The following FASN variants were observed in gnomAD, a reference collection of about 807,000 sequenced individuals.
The protein encoded by FASN is 3-hydroxyacyl-[acyl-carrier-protein] dehydratase.
FASN carries 50 observed loss-of-function variants against 250.0 expected under a neutral mutation model. That is an observed-to-expected ratio of 0.20 (90% CI 0.16 to 0.25). The LOEUF is 0.25. Ranked by LOEUF, FASN falls within the 10% of genes least tolerant of loss-of-function variation. FASN has a pLI of 1.00. For synonymous variants in FASN, 1,909 were observed against 1,584.0 expected (o/e 1.21, Z -4.87); for missense variants, 3,031 against 3,498.5 (o/e 0.87, Z 3.37).
rs2144797132 is a variant in FASN, at chr17:82,088,539, A to G, written c.2444T>C (p.Leu815Ser). The change falls in exon 16 of 43, where the codon TTG becomes TCG. Residue 815 changes from leucine to serine, a missense_variant. By Grantham distance (145) the Leu-to-Ser change is moderately radical. Transcript: ENST00000306749. Reference sequence around the variant, plus strand: ...AGCTGGGAACTCCACAGGTGGGAACAAGGCATTGGGGTTGGCGTCGATGCT... The same window carrying G: ...AGCTGGGAACTCCACAGGTGGGAACGAGGCATTGGGGTTGGCGTCGATGCT... Reference protein sequence around the residue: ...LSGIDANPNALFPPVEFPAPR... With the variant: ...LSGIDANPNASFPPVEFPAPR... 6.2e-7 allele frequency: 1 copy of G among 1,607,018 alleles called. No individual in the cohort carries two copies. The highest frequency in any genetic ancestry group is 1.7e-5 in the Admixed American group (1 of 59,822).
At chr17:82,090,000 G>A (rs2034174644) in intron 11 of FASN, among the ~76,000 whole-genome samples, 1 of 152,218 alleles carries the variant, frequency 6.6e-6, no homozygotes, top group Non-Finnish European at 1.5e-5. Flanking sequence ...TCCAGGTCCT[G>A]CCCACATGTG....
At chr17:82,080,979 G>A (rs1238027965) in intron 38 of FASN, 57 bp from the exon 39 acceptor site, 5 of 1,495,418 alleles carry the variant, frequency 3.3e-6, no homozygotes, top group East Asian at 4.8e-5. Flanking sequence ...TGGCACCCAC[G>A]CAAGGACACA....
Position 82,091,445 on chromosome 17 carries a change from C to A in FASN, c.1269G>T (p.Leu423=). 4 of 1,607,248 alleles carry A rather than the reference C, an allele frequency of 2.5e-6. No homozygotes were observed. Among genetic ancestry groups the A allele is most frequent in the Non-Finnish European group, 3.4e-6 (4 of 1,177,420 alleles). The change falls in exon 9 of 43, where the codon CTG becomes CTT. Residue 423 remains leucine, a synonymous_variant. Transcript: ENST00000306749. ...CAGGGGTGCGTCCGCTGGCCCGCAGCAGACGGGGCAGGGTGGCATGTGGGG... is the reference window on the plus strand; with the variant it reads ...CAGGGGTGCGTCCGCTGGCCCGCAGAAGACGGGGCAGGGTGGCATGTGGGG... ...APAPHATLPR[L]LRASGRTPEA...
chr17:82,092,207 G>A lies in FASN; in HGVS notation c.1029+248C>T, dbSNP rs111388945. 9.2e-5 allele frequency among the ~76,000 whole-genome samples: 14 copies of A among 152,318 alleles called. 1 individual carries two copies. Among genetic ancestry groups the A allele is most frequent in the African/African-American group, 2.6e-4 (11 of 41,576 alleles). ...CAAGCGGCTCCTCCAGCTCGGCTCC[G>A]TGTCCGGCAGACGCTCTGCAGGGCA... On this transcript the variant is annotated intron_variant, in intron 8 of 42. Coordinates refer to ENST00000306749, the MANE Select transcript of FASN (RefSeq NM_004104.5).
In FASN at chr17:82,096,335, G is replaced by A. The variant is rs2034302529; in HGVS notation, c.111C>T (p.Asp37=). ...IGGVDMVTDD[D]RRWKAGLYGL... ...GCCACATACCCGCCTTCCAGCGACG[G>A]TCATCGTCCGTGACCATGTCCACAC... The change falls in exon 2 of 43, where the codon GAC becomes GAT. Residue 37 remains aspartate, a synonymous_variant. Coordinates refer to ENST00000306749, the MANE Select transcript of FASN (RefSeq NM_004104.5). The A allele has an allele frequency of 5.0e-6, 8 of 1,612,574 alleles. No individual in the cohort carries two copies. The highest frequency in any genetic ancestry group is 1.6e-4 in the Middle Eastern group (1 of 6,084).
At chr17:82,079,667 G>C in intron 41 of FASN, 59 bp from the exon 42 acceptor site, 1 of 1,560,534 alleles carries the variant, frequency 6.4e-7, no homozygotes, top group Non-Finnish European at 8.6e-7. Flanking sequence ...CCTGCCCTGT[G>C]CTACACTGCG....
chr17:82,094,583 G>A (rs938051116), intron 3 of FASN, among the ~76,000 whole-genome samples: 9 of 151,992 alleles, frequency 5.9e-5, no homozygotes, highest in African/African-American at 7.3e-5. Context: ...GAGGTCAAGA[G>A]ATCGAGACCA....
rs1383949681 is a variant in FASN at position 82,084,272 on chromosome 17, C to A, written c.4881G>T (p.Leu1627=). Residue 1627 remains leucine (L), a synonymous_variant, in exon 28 of 43, where the codon CTG becomes CTT. Transcript: ENST00000306749. The part of the protein sequence containing the change: ...VPAKGLATSV[L]LSPDFLWDVP... ...CATCCCAGAGGAAGTCCGGTGACAG[C>A]AGGACAGAGGTGGCCAGGCCCTTGG... 6.2e-7 allele frequency: 1 copy of A among 1,611,922 alleles called. No homozygotes were observed. Among genetic ancestry groups the A allele is most frequent in the African/African-American group, 1.3e-5 (1 of 74,918 alleles).
At chr17:82,091,093 G>C in intron 9 of FASN, 24 bp from the exon 10 acceptor site, 1 of 1,608,918 alleles carries the variant, frequency 6.2e-7, no homozygotes, top group Non-Finnish European at 8.5e-7. Context: ...CACGTCACGA[G>C]GCTCAGCCCC....
Position 82,082,407 on chromosome 17 carries a change from C to T in FASN, c.5927G>A (p.Arg1976Lys), listed in dbSNP as rs45489599. The change falls in exon 35 of 43, where the codon AGA (arginine) becomes AAA (lysine). Residue 1976 changes from arginine (R) to lysine (K), a missense_variant. Transcript: ENST00000306749. Reference sequence around the variant, plus strand: ...GGTCTGGTTCTCCAGCAAGCCATCTCTCAAGACCTGGGGGAGGCATCCTCA... The same window carrying T: ...GGTCTGGTTCTCCAGCAAGCCATCTTTCAAGACCTGGGGGAGGCATCCTCA... ...GGVFNLAVVL[R>K]DGLLENQTPE... 109 of 1,612,806 alleles carry T rather than the reference C, an allele frequency of 6.8e-5. 1 individual carries two copies. In the East Asian group the frequency reaches 2.3e-3, roughly 33 times the overall value.
Position 82,089,704 on chromosome 17 carries a change from T to C in FASN, c.1893A>G (p.Lys631=). 6.3e-7 allele frequency: 1 copy of C among 1,587,524 alleles called. No individual in the cohort carries two copies. The highest frequency in any genetic ancestry group is 8.6e-7 in the Non-Finnish European group (1 of 1,168,944). The stretch of plus-strand genomic sequence containing the variant: ...GCACCACGCCCGGGGGGCAGCGCTG[T>C]TTACACTCCTCCCAGGACAAGCCTA... ...AAVGLSWEEC[K]QRCPPGVVPA... Residue 631 remains lysine, a synonymous_variant, in exon 12 of 43, where the codon AAA becomes AAG. Coordinates refer to ENST00000306749, the MANE Select transcript of FASN (RefSeq NM_004104.5).
rs2034103688 is a variant in FASN, at chr17:82,086,493, C to G, written c.3493G>C (p.Asp1165His). 6.2e-7 allele frequency: 1 copy of G among 1,612,522 alleles called. No homozygotes were observed. Among genetic ancestry groups the G allele is most frequent in the Non-Finnish European group, 8.5e-7 (1 of 1,179,974 alleles). ...QGLKMVVPGL[D>H]GAQIPRDPSQ... The stretch of plus-strand genomic sequence containing the variant: ...GGGTCCCGGGGGATCTGGGCCCCAT[C>G]CAGTCCGGGCACCACCATCTTCAGC... The change falls in exon 22 of 43, where the codon GAT becomes CAT. Residue 1165 changes from aspartate to histidine, a missense_variant. Asp to His is a moderately conservative substitution (Grantham distance 81). Coordinates refer to ENST00000306749, the MANE Select transcript of FASN (RefSeq NM_004104.5).
chr17:82,094,218 G>A (rs1460736179), intron 3 of FASN: 3 of 282,158 alleles, frequency 1.1e-5, no homozygotes, highest in East Asian at 9.4e-5. Flanking sequence ...ATAAGGAACC[G>A]AGGAGACAAA....
chr17:82,096,261 G>T, intron 2 of FASN, 58 bp downstream of exon 2: 1 of 1,604,864 alleles, frequency 6.2e-7, no homozygotes, highest in South Asian at 1.1e-5. Context: ...CTGCTGTGAG[G>T]ACAAAGGTGG....
intron 2 of FASN, 100 bp downstream of exon 2, chr17:82,096,219 C>T: frequency 1.9e-6 from 3 of 1,578,564 alleles, no homozygotes; most frequent in Non-Finnish European, 2.6e-6. Context: ...AGGCCAGTGC[C>T]TGGGTGGTGA....
At chr17:82,079,948 T>C in intron 41 of FASN, 192 bp downstream of exon 41, 2 of 685,728 alleles carry the variant, frequency 2.9e-6, no homozygotes, top group Non-Finnish European at 5.0e-6. Flanking sequence ...CCTCAGGTAA[T>C]CTGCCCGCCT....
Position 82,079,278 on chromosome 17 carries a change from T to C in FASN, c.7401A>G (p.Val2467=). The C allele has an allele frequency of 6.2e-7, 1 of 1,613,006 alleles. No homozygotes were observed. Residue 2467 remains valine (V), a splice_region_variant and synonymous_variant, in exon 43 of 43, where the codon GTA becomes GTG. Coordinates refer to ENST00000306749, the MANE Select transcript of FASN (RefSeq NM_004104.5). ...DLGADYNLSQ[V]CDGKVSVHVI... is the part of the protein sequence containing the mutation. ...CGTGGACGGATACTTTCCCGTCGCATACCTGCAGGGGATGCGATCAGCTGC... is the reference window on the plus strand; with the variant it reads ...CGTGGACGGATACTTTCCCGTCGCACACCTGCAGGGGATGCGATCAGCTGC...
rs372694509 is a variant in FASN, at chr17:82,081,773, C to A, written c.6234G>T (p.Thr2078=). The A allele has an allele frequency of 2.5e-6, 4 of 1,612,588 alleles. No individual in the cohort carries two copies. Among genetic ancestry groups the A allele is most frequent in the Non-Finnish European group, 3.4e-6 (4 of 1,179,990 alleles). The change falls in exon 37 of 43, where the codon ACG becomes ACT. Residue 2078 remains threonine (T), a synonymous_variant. Transcript: ENST00000306749. ...GCTGGGGCAGCGTGCCACTGACGAT[C>A]GTGTCGTTGGTGCTCATCGTCTCCA... ...ILVETMSTND[T]IVSGTLPQRM...
rs111789532 is a variant in FASN, at chr17:82,095,759, C to T, written c.128-287G>A. On this transcript the variant is annotated intron_variant, in intron 2 of 42. Coordinates refer to ENST00000306749, the MANE Select transcript of FASN (RefSeq NM_004104.5). ...GGAGTGAGGCTGGGGGACCATCTGC[C>T]GGGCTGGTGCCTCGGCTCTACCATG... is the stretch of plus-strand genomic sequence containing the variant. 5.4e-3 allele frequency among the ~76,000 whole-genome samples: 820 copies of T among 152,250 alleles called. 9 individuals are homozygous for T. Among genetic ancestry groups the T allele is most frequent in the African/African-American group, 0.019 (774 of 41,508 alleles).
Sources: allele counts gnomAD v4.1 joint callset (sites outside exome capture counted in the v4.1 genomes callset), GRCh38; gene constraint gnomAD v4.1.1; transcripts MANE v1.5; gene names NCBI Gene and HGNC (gene_info 2026-07-23, HGNC 2026-07-21).